The following FRAS1 variants were observed in gnomAD, a reference collection of about 807,000 sequenced individuals.
FRAS1 encodes extracellular matrix organizing protein FRAS1.
Under a neutral mutation model 435.2 loss-of-function variants are expected in FRAS1, and 290 were observed. The ratio of observed to expected loss-of-function variants is 0.67; its 90% CI spans 0.61 to 0.73. The LOEUF is 0.73. Ranked by LOEUF, FRAS1 falls within the 30% of genes least tolerant of loss-of-function variation. FRAS1 has a pLI of 0.00. For synonymous variants in FRAS1, 1,800 were observed against 1,851.0 expected (o/e 0.97, Z 0.71); for missense variants, 4,860 against 5,001.5 (o/e 0.97, Z 0.85).
At chr4:78,510,204 T>G (rs1023798825) in intron 63 of FRAS1, among the ~76,000 whole-genome samples, 9 of 152,370 alleles carry the variant, frequency 5.9e-5, no homozygotes, top group African/African-American at 1.9e-4. Flanking sequence ...AGGTGTGGTC[T>G]GGTTGGAGCC....
At position 78,363,999 on chromosome 4, in the gene FRAS1, C is replaced by A. The variant is rs368548703; in HGVS notation, c.2667C>A (p.Thr889=). ...ACCTCGTGCTGTCCCACACTGGCAC[C>A]TGCAGCACCACCTGCTTCCCTGGGC... is the stretch of plus-strand genomic sequence containing the variant. ...DTNLVLSHTG[T]CSTTCFPGHY... is the part of the protein sequence containing the mutation. The change falls in exon 22 of 74, where the codon ACC becomes ACA. Residue 889 remains threonine (T), a synonymous_variant. Transcript: ENST00000512123. The A allele has an allele frequency of 8.7e-6, 14 of 1,609,200 alleles. No homozygotes were observed. The African/African-American group carries it at 1.6e-4, about 18-fold the overall frequency.
chr4:78,521,566 AAG>A lies in FRAS1; in HGVS notation c.10586_10587del (p.Arg3529AsnfsTer12). 1 of 1,611,784 alleles carries A rather than the reference AAG, an allele frequency of 6.2e-7. No individual in the cohort carries two copies. Among genetic ancestry groups the A allele is most frequent in the Non-Finnish European group, 8.5e-7 (1 of 1,178,842 alleles). ...TGCTCTCTGCAAGGCTTCAGATAAT[AAG>A]AATCTACATTCGAGAGGATGGCCGT... is the stretch of plus-strand genomic sequence containing the variant. ...SVLSARLQII[R>X]IYIREDGRLV... On this transcript the variant is annotated frameshift_variant, in exon 68 of 74. Coordinates refer to ENST00000512123, the MANE Select transcript of FRAS1 (RefSeq NM_025074.7). LOFTEE classifies it high-confidence loss of function.
chr4:78,339,170 T>G (rs114326069), intron 20 of FRAS1, among the ~76,000 whole-genome samples: 1 of 152,202 alleles, frequency 6.6e-6, no homozygotes. Context: ...TGCCCATCCC[T>G]GAAAGAGAAT....
intron 26 of FRAS1, among the ~76,000 whole-genome samples, chr4:78,378,379 T>C (rs1731867150): frequency 6.6e-6 from 1 of 152,194 alleles, no homozygotes; most frequent in South Asian, 2.1e-4. Context: ...GTAATGCTGC[T>C]ATGAACATTT....
intron 55 of FRAS1, among the ~76,000 whole-genome samples, chr4:78,478,780 A>C (rs1336693298): frequency 6.6e-6 from 1 of 152,188 alleles, no homozygotes. Context: ...AGATAGCAAA[A>C]ACCCTTGGTA....
At chr4:78,252,120 T>TA (rs1389362198) in intron 4 of FRAS1, among the ~76,000 whole-genome samples, 2 of 152,212 alleles carry the variant, frequency 1.3e-5, no homozygotes, top group Non-Finnish European at 2.9e-5. Flanking sequence ...AGGTTATTTT[T>TA]ATTTTCTTTT....
chr4:78,467,867 G>A (rs34519238), intron 50 of FRAS1, among the ~76,000 whole-genome samples: 49,649 of 152,054 alleles, frequency 0.33, 8,828 homozygotes, highest in Admixed American at 0.41. Flanking sequence ...CCATTTGTAT[G>A]TCTTCTTTTG....
chr4:78,430,139 T>C (rs960252077), intron 36 of FRAS1, among the ~76,000 whole-genome samples, 153 bp from the exon 37 acceptor site: 1 of 152,244 alleles, frequency 6.6e-6, no homozygotes, highest in Non-Finnish European at 1.5e-5. Context: ...CTGTTTTTAC[T>C]CTTTTGTGCC....
chr4:78,082,148 T>C (rs1243132520), intron 2 of FRAS1, among the ~76,000 whole-genome samples: 1 of 152,170 alleles, frequency 6.6e-6, no homozygotes, highest in African/African-American at 2.4e-5. Flanking sequence ...CCCTCTCTAA[T>C]GTTTCCAATA....
intron 2 of FRAS1, among the ~76,000 whole-genome samples, chr4:78,191,454 ATATAT>A (rs1423122197): frequency 6.6e-6 from 1 of 152,174 alleles, no homozygotes; most frequent in Non-Finnish European, 1.5e-5. Flanking sequence ...ATATGTTAAA[ATATAT>A]TACAGTAACG....
rs1394685545 is a variant in FRAS1, at chr4:78,526,392, C to T, written c.10809-149C>T. 4 of 561,246 alleles carry T rather than the reference C, an allele frequency of 7.1e-6. No homozygotes were observed. The East Asian group carries it at 9.4e-5, about 13-fold the overall frequency. The allele number at this position is 561,246 out of a possible 1,614,324, so 34.8% of individuals were successfully genotyped here. On this transcript the variant is annotated intron_variant, in intron 69 of 73. Coordinates refer to ENST00000512123, the MANE Select transcript of FRAS1 (RefSeq NM_025074.7). ...GTTAGGATAATTGAAGATGAGTTCC[C>T]GAAAATGGTGTTTGCAGACTTGTAA...
At chr4:78,103,114 C>G (rs181769256) in intron 2 of FRAS1, among the ~76,000 whole-genome samples, 19 of 152,278 alleles carry the variant, frequency 1.2e-4, no homozygotes, top group African/African-American at 4.6e-4. Flanking sequence ...CAGGGGAACT[C>G]TGAGGAAATC....
At chr4:78,274,257 A>G (rs1246154315) in intron 9 of FRAS1, among the ~76,000 whole-genome samples, 3 of 152,030 alleles carry the variant, frequency 2.0e-5, no homozygotes, top group Admixed American at 6.6e-5. Context: ...GATCTTTTCA[A>G]AAAACTAGCT....
intron 2 of FRAS1, chr4:78,180,939 C>T: frequency 6.2e-7 from 1 of 1,610,228 alleles, no homozygotes; most frequent in Non-Finnish European, 8.5e-7. Flanking sequence ...GGTCCTGCTG[C>T]CACGGTTTGG....
At chr4:78,418,387 G>A (rs1386925846) in intron 32 of FRAS1, among the ~76,000 whole-genome samples, 1 of 152,138 alleles carries the variant, frequency 6.6e-6, no homozygotes, top group Non-Finnish European at 1.5e-5. Flanking sequence ...GGACCTGGGG[G>A]ACAATGCTCT....
chr4:78,460,582 T>C (rs1249015274), intron 47 of FRAS1, among the ~76,000 whole-genome samples: 1 of 152,216 alleles, frequency 6.6e-6, no homozygotes, highest in East Asian at 1.9e-4. Flanking sequence ...TTCTGAGAAA[T>C]GCATTGTCAG....
At chr4:78,271,294 C>T (rs1175798378) in intron 9 of FRAS1, among the ~76,000 whole-genome samples, 1 of 151,676 alleles carries the variant, frequency 6.6e-6, no homozygotes, top group South Asian at 2.1e-4. Flanking sequence ...TTATCACAAA[C>T]ATTTTCAATT....
At chr4:78,116,822 C>T (rs1273204095) in intron 2 of FRAS1, among the ~76,000 whole-genome samples, 1 of 152,136 alleles carries the variant, frequency 6.6e-6, no homozygotes, top group African/African-American at 2.4e-5. Context: ...AGCACTTAGC[C>T]CATTTACATT....
rs181104446 is a variant in FRAS1 at position 78,236,908 on chromosome 4, C to T, written c.109-602C>T. ...TTTGTGAGATCCTTATGGATACTGC[C>T]CACACTTATGCTTCATTTATACCTC... On this transcript the variant is annotated intron_variant, in intron 2 of 73. Transcript: ENST00000512123. 7.2e-5 allele frequency among the ~76,000 whole-genome samples: 11 copies of T among 152,254 alleles called. No homozygotes were observed. In the East Asian group the frequency reaches 1.5e-3, roughly 21 times the overall value.
Sources: allele counts gnomAD v4.1 joint callset (sites outside exome capture counted in the v4.1 genomes callset), GRCh38; gene constraint gnomAD v4.1.1; transcripts MANE v1.5; gene names NCBI Gene and HGNC (gene_info 2026-07-23, HGNC 2026-07-21).